Variants in FRMD5 observed in about 807,000 individuals in gnomAD.
The protein encoded by FRMD5 is FERM domain-containing protein 5.
In FRMD5, 20 loss-of-function variants were observed where a neutral mutation model predicts 69.0. The observed-to-expected ratio is 0.29, with a 90% CI of 0.20 to 0.42. FRMD5 has a LOEUF of 0.42. FRMD5 is among the 10% of genes least tolerant of loss of function. The pLI is 1.00. For missense variants in FRMD5, 595 were observed against 708.6 expected, an observed-to-expected ratio of 0.84 and a Z score of 1.82; for synonymous variants, 271 against 260.1, an observed-to-expected ratio of 1.04 and a Z score of -0.40.
At chr15:43,882,762 T>A (rs1268795165) in intron 13 of FRMD5, among the ~76,000 whole-genome samples, 1 of 152,170 alleles carries the variant, frequency 6.6e-6, no homozygotes, top group African/African-American at 2.4e-5. Flanking sequence ...GCCATCCTGA[T>A]AATTTTACTG....
At chr15:43,907,222 G>A (rs1034079672) in intron 5 of FRMD5, among the ~76,000 whole-genome samples, 1 of 152,164 alleles carries the variant, frequency 6.6e-6, no homozygotes, top group Admixed American at 6.5e-5. Context: ...AATATTAAGA[G>A]GAAAAGGTGC....
At chr15:44,054,142 C>A (rs969355198) in intron 1 of FRMD5, among the ~76,000 whole-genome samples, 10 of 152,178 alleles carry the variant, frequency 6.6e-5, no homozygotes, top group African/African-American at 2.4e-4. Context: ...TCACTTATGT[C>A]TTTTAAAACA....
At chr15:44,196,880 G>A (rs540399917), upstream of FRMD5, among the ~76,000 whole-genome samples, 2 of 151,736 alleles carry the variant, frequency 1.3e-5, no homozygotes, top group Non-Finnish European at 2.9e-5. Flanking sequence ...CATAGGAGCA[G>A]GATTCTCTTT....
intron 1 of FRMD5, among the ~76,000 whole-genome samples, chr15:44,141,743 G>A (rs2077276787): frequency 6.6e-6 from 1 of 152,208 alleles, no homozygotes; most frequent in Non-Finnish European, 1.5e-5. Context: ...GAGTTAGAGT[G>A]TGAGCATCAC....
intron 11 of FRMD5, 37 bp from the exon 12 acceptor site, chr15:43,884,832 G>A (rs747362395): frequency 3.8e-6 from 6 of 1,574,136 alleles, no homozygotes; most frequent in East Asian, 2.2e-5. Flanking sequence ...AGCAAGAAAT[G>A]AGACTGTGTT....
chr15:44,107,611 C>T (rs570283609), intron 1 of FRMD5, among the ~76,000 whole-genome samples: 3 of 152,174 alleles, frequency 2.0e-5, no homozygotes, highest in African/African-American at 7.2e-5. Flanking sequence ...AGCAACAGCT[C>T]TCATGAAGCT....
At chr15:44,195,300 C>G (rs2078273975), upstream of FRMD5, 9 of 505,344 alleles carry the variant, frequency 1.8e-5, no homozygotes, top group South Asian at 1.5e-4. Flanking sequence ...TGCCCGTGCC[C>G]AGCTCGCGGG....
At chr15:43,901,297 T>C (rs2089039874) in intron 7 of FRMD5, among the ~76,000 whole-genome samples, 1 of 152,228 alleles carries the variant, frequency 6.6e-6, no homozygotes, top group African/African-American at 2.4e-5. Flanking sequence ...ACCCAGTCTG[T>C]GATACTTGTT....
At chr15:43,919,212 A>AG (rs1198047213) in intron 4 of FRMD5, 2 of 641,652 alleles carry the variant, frequency 3.1e-6, no homozygotes, top group African/African-American at 3.6e-5. Flanking sequence ...GAGCCCTTTG[A>AG]GAGTGACCAG....
intron 1 of FRMD5, chr15:43,989,510 T>C: frequency 2.3e-6 from 2 of 888,604 alleles, no homozygotes; most frequent in Non-Finnish European, 3.8e-6. Context: ...GGCCATCTCC[T>C]GCTCGAAGTC....
intron 1 of FRMD5, among the ~76,000 whole-genome samples, chr15:44,104,598 A>G (rs949153532): frequency 2.6e-5 from 4 of 152,170 alleles, no homozygotes; most frequent in Admixed American, 6.6e-5. Flanking sequence ...TTATGTTTAG[A>G]TACCCAAATA....
intron 1 of FRMD5, among the ~76,000 whole-genome samples, chr15:44,063,229 C>G (rs1447917510): frequency 6.6e-6 from 1 of 152,036 alleles, no homozygotes; most frequent in Non-Finnish European, 1.5e-5. Context: ...AGATTTTAAA[C>G]CATTAATTAA....
chr15:43,983,696 T>C (rs963876438), intron 1 of FRMD5, among the ~76,000 whole-genome samples: 9 of 152,222 alleles, frequency 5.9e-5, no homozygotes, highest in African/African-American at 1.9e-4. Context: ...GTAGCTAAGT[T>C]CGTTGACCAC....
chr15:44,048,654 C>T (rs1397230499), intron 1 of FRMD5, among the ~76,000 whole-genome samples: 2 of 152,014 alleles, frequency 1.3e-5, no homozygotes, highest in Non-Finnish European at 2.9e-5. Context: ...CTCACGGCAA[C>T]CTCCGTCTCC....
At chr15:44,009,128 G>A (rs1890597048) in intron 1 of FRMD5, among the ~76,000 whole-genome samples, 1 of 152,164 alleles carries the variant, frequency 6.6e-6, no homozygotes, top group South Asian at 2.1e-4. Context: ...AATAATAAAT[G>A]TTGAACAAAT....
intron 1 of FRMD5, among the ~76,000 whole-genome samples, chr15:44,085,610 C>T (rs1894165715): frequency 6.6e-6 from 1 of 151,974 alleles, no homozygotes; most frequent in South Asian, 2.1e-4. Flanking sequence ...GTATCTCAAA[C>T]CAAGTCTGGG....
At chr15:43,944,083 C>A (rs1416804603) in intron 1 of FRMD5, among the ~76,000 whole-genome samples, 1 of 152,166 alleles carries the variant, frequency 6.6e-6, no homozygotes, top group Non-Finnish European at 1.5e-5. Flanking sequence ...TTTTCTGTTG[C>A]TTATAACAGA....
chr15:44,138,538 CAT>C (rs2077220421), intron 1 of FRMD5, among the ~76,000 whole-genome samples: 1 of 152,102 alleles, frequency 6.6e-6, no homozygotes, highest in African/African-American at 2.4e-5. Flanking sequence ...GCTAGGATTC[CAT>C]GCCCAGCTAA....
intron 1 of FRMD5, among the ~76,000 whole-genome samples, chr15:44,159,125 TTC>T (rs2077573579): frequency 6.6e-6 from 1 of 152,098 alleles, no homozygotes; most frequent in African/African-American, 2.4e-5. Context: ...GACACACATG[TTC>T]TGTTTGGGAT....
Sources: allele counts gnomAD v4.1 joint callset (sites outside exome capture counted in the v4.1 genomes callset), GRCh38; gene constraint gnomAD v4.1.1; transcripts MANE v1.5; gene names NCBI Gene and HGNC (gene_info 2026-07-23, HGNC 2026-07-21).